CNIH3: variants seen among roughly 807,000 people sequenced by gnomAD.
CNIH3 encodes the protein protein cornichon homolog 3.
CNIH3 carries 14 observed loss-of-function variants against 24.1 expected under a neutral mutation model. That is an observed-to-expected ratio of 0.58 (90% CI 0.38 to 0.91). The LOEUF is 0.91. Ranked by LOEUF, CNIH3 falls within the 40% of genes least tolerant of loss-of-function variation. CNIH3 has a pLI of 0.00. For missense variants in CNIH3, 178 were observed against 196.8 expected (o/e 0.90, Z 0.57); for synonymous variants, 68 against 73.8 (o/e 0.92, Z 0.40).
intron 1 of CNIH3, among the ~76,000 whole-genome samples, chr1:224,664,023 T>C (rs1021088227): frequency 6.6e-6 from 1 of 152,192 alleles, no homozygotes; most frequent in Non-Finnish European, 1.5e-5. Flanking sequence ...CAATGAATAT[T>C]GCCAGGGAAG....
chr1:224,489,761 T>G (rs1488947813), intron 1 of CNIH3, among the ~76,000 whole-genome samples: 1 of 152,184 alleles, frequency 6.6e-6, no homozygotes, highest in Non-Finnish European at 1.5e-5. Context: ...CATTGATTTT[T>G]CGGTGCTGGA....
intron 1 of CNIH3, among the ~76,000 whole-genome samples, chr1:224,495,733 G>C (rs1411501919): frequency 6.6e-6 from 1 of 152,182 alleles, no homozygotes; most frequent in Non-Finnish European, 1.5e-5. Flanking sequence ...TGCTATTGGA[G>C]AGAAGTGGCT....
upstream of CNIH3, among the ~76,000 whole-genome samples, chr1:224,614,284 A>G (rs1682837121): frequency 6.6e-6 from 1 of 152,220 alleles, no homozygotes; most frequent in Non-Finnish European, 1.5e-5. Context: ...CCCAGAGGCA[A>G]TAAAATGTAG....
At chr1:224,701,466 T>A (rs1171866376) in intron 3 of CNIH3, among the ~76,000 whole-genome samples, 1 of 152,068 alleles carries the variant, frequency 6.6e-6, no homozygotes, top group Non-Finnish European at 1.5e-5. Context: ...CTGCACCCTT[T>A]ATCAGGACAC....
intron 1 of CNIH3, among the ~76,000 whole-genome samples, chr1:224,487,239 A>G (rs1352960198): frequency 6.6e-6 from 1 of 152,310 alleles, no homozygotes; most frequent in Non-Finnish European, 1.5e-5. Context: ...TCAGACCAGT[A>G]CAACCAAAAC....
chr1:224,575,005 C>T (rs1411267386), intron 4 of CNIH3: 9 of 874,972 alleles, frequency 1.0e-5, no homozygotes, highest in African/African-American at 4.9e-5. Context: ...GAGTGCCACC[C>T]GTACCTCACT....
chr1:224,640,171 A>G (rs1684288099), intron 1 of CNIH3, among the ~76,000 whole-genome samples: 1 of 152,108 alleles, frequency 6.6e-6, no homozygotes, highest in African/African-American at 2.4e-5. Context: ...GTTCAGTAAC[A>G]CCTTTCCATT....
chr1:224,533,244 A>C (rs1679144672), intron 2 of CNIH3, among the ~76,000 whole-genome samples: 1 of 130,228 alleles, frequency 7.7e-6, no homozygotes, highest in Non-Finnish European at 1.5e-5. Context: ...GCATGTCTCT[A>C]CAAAAAAAAA....
At chr1:224,623,638 G>A (rs1403835565) in intron 1 of CNIH3, among the ~76,000 whole-genome samples, 1 of 152,046 alleles carries the variant, frequency 6.6e-6, no homozygotes, top group Non-Finnish European at 1.5e-5. Context: ...GGAGAAGATA[G>A]AGATGATCAG....
chr1:224,631,701 A>G (rs1277514673), intron 1 of CNIH3, among the ~76,000 whole-genome samples: 1 of 152,180 alleles, frequency 6.6e-6, no homozygotes, highest in East Asian at 1.9e-4. Context: ...TGACATTTCC[A>G]GAGCATCAGT....
chr1:224,632,240 G>A (rs564725236), intron 1 of CNIH3, among the ~76,000 whole-genome samples: 4 of 152,288 alleles, frequency 2.6e-5, no homozygotes, highest in South Asian at 4.2e-4. Flanking sequence ...CTACATATCC[G>A]GGCCTCTATG....
chr1:224,540,603 G>A (rs139277973), downstream of CNIH3, among the ~76,000 whole-genome samples: 1 of 152,302 alleles, frequency 6.6e-6, no homozygotes, highest in East Asian at 1.9e-4. Flanking sequence ...AATTTAAGAA[G>A]CATTAATAAA....
At chr1:224,710,717 T>C (rs1026176566) in intron 3 of CNIH3, among the ~76,000 whole-genome samples, 13 of 152,240 alleles carry the variant, frequency 8.5e-5, no homozygotes, top group African/African-American at 2.9e-4. Context: ...GTTACTGCCC[T>C]GTGATTTGAG....
At chr1:224,713,693 G>A (rs1688278790) in intron 3 of CNIH3, among the ~76,000 whole-genome samples, 1 of 152,170 alleles carries the variant, frequency 6.6e-6, no homozygotes, top group Non-Finnish European at 1.5e-5. Context: ...CAGTTTATTG[G>A]AAGAAAAGAG....
chr1:224,607,384 G>A (rs535782302), intron 3 of CNIH3, among the ~76,000 whole-genome samples: 11 of 152,296 alleles, frequency 7.2e-5, no homozygotes, highest in Admixed American at 1.3e-4. Flanking sequence ...AGAGCAGGCA[G>A]CAGGGGAAAG....
At chr1:224,716,602 T>A (rs918936390) in intron 3 of CNIH3, among the ~76,000 whole-genome samples, 1 of 151,874 alleles carries the variant, frequency 6.6e-6, no homozygotes, top group South Asian at 2.1e-4. Context: ...GAATGGAAAT[T>A]TGGGGAAGGA....
chr1:224,547,030 G>A (rs896831225), intron 3 of CNIH3: 26 of 323,172 alleles, frequency 8.0e-5, no homozygotes, highest in African/African-American at 5.5e-4. Context: ...TACCTAATGG[G>A]CCCACCTGTG....
At chr1:224,696,761 AG>A (rs1687198280) in intron 3 of CNIH3, among the ~76,000 whole-genome samples, 1 of 139,368 alleles carries the variant, frequency 7.2e-6, no homozygotes, top group Non-Finnish European at 1.6e-5. Context: ...TATGTGCTGA[AG>A]GGGATAAATT....
chr1:224,576,163 A>AT (rs1219932700), intron 4 of CNIH3, among the ~76,000 whole-genome samples: 1 of 152,136 alleles, frequency 6.6e-6, no homozygotes, highest in Non-Finnish European at 1.5e-5. Context: ...TGAATCTACT[A>AT]TTTTTCTAAT....
Sources: allele counts gnomAD v4.1 joint callset (sites outside exome capture counted in the v4.1 genomes callset), GRCh38; gene constraint gnomAD v4.1.1; transcripts MANE v1.5; gene names NCBI Gene and HGNC (gene_info 2026-07-23, HGNC 2026-07-21).